Variants in CNTN5 observed in about 807,000 individuals in gnomAD.
The protein encoded by CNTN5 is contactin 5, also known as contactin-5.
A neutral mutation model predicts 129.1 loss-of-function variants in CNTN5; 77 were observed. The observed-to-expected ratio is 0.60, with a 90% confidence interval of 0.50 to 0.72. CNTN5 has a LOEUF of 0.72. Ranked by LOEUF, CNTN5 falls within the 30% of genes least tolerant of loss-of-function variation. The probability of loss-of-function intolerance (pLI) is 0.00; values close to 1 mark genes in which losing one functional copy is unlikely to be tolerated. For missense variants in CNTN5, 1,478 were observed against 1,328.8 expected (o/e 1.11, Z -1.75); for synonymous variants, 509 against 465.6 (o/e 1.09, Z -1.20).
At chr11:99,973,565 A>G (rs1481929505) in intron 8 of CNTN5, among the ~76,000 whole-genome samples, 2 of 152,274 alleles carry the variant, frequency 1.3e-5, no homozygotes, top group Non-Finnish European at 2.9e-5. Context: ...AGGTATTTAA[A>G]AATAACCTTA....
At position 99,211,160 on chromosome 11, in the gene CNTN5, T is replaced by C. The variant is rs955637424; in HGVS notation, c.-209-114186T>C. Reference sequence around the variant, plus strand: ...GATCGTAAAATGTCCCTTTTTATTATCTTGGTAATTTTTGTCTCAGTTTTC... The same window carrying C: ...GATCGTAAAATGTCCCTTTTTATTACCTTGGTAATTTTTGTCTCAGTTTTC... On this transcript the variant is annotated intron_variant, in intron 1 of 24. Coordinates refer to ENST00000524871, the MANE Select transcript of CNTN5 (RefSeq NM_014361.4). 5.3e-5 allele frequency among the ~76,000 whole-genome samples: 8 copies of C among 152,228 alleles called. No homozygotes were observed. In the South Asian group the frequency reaches 6.2e-4, roughly 12 times the overall value.
Position 99,586,092 on chromosome 11 carries a change from G to A in CNTN5, c.55+29823G>A, listed in dbSNP as rs181123335. 8.2e-3 allele frequency among the ~76,000 whole-genome samples: 1,243 copies of A among 151,690 alleles called. 11 individuals are homozygous for A. The highest frequency in any genetic ancestry group is 0.045 in the Middle Eastern group (13 of 292). The stretch of plus-strand genomic sequence containing the variant: ...TATTTCATTCATTTAATTAAATCCC[G>A]TTCCAAATGGCCTCATGTCTAGTCT... On this transcript the variant is annotated intron_variant, in intron 3 of 24. Transcript: ENST00000524871.
intron 3 of CNTN5, among the ~76,000 whole-genome samples, chr11:99,642,409 C>T (rs1951803483): frequency 6.6e-6 from 1 of 152,100 alleles, no homozygotes; most frequent in Non-Finnish European, 1.5e-5. Context: ...TATAAACACT[C>T]CATATGTGCG....
chr11:99,976,165 A>G (rs1029042637), intron 8 of CNTN5, among the ~76,000 whole-genome samples: 24 of 152,224 alleles, frequency 1.6e-4, no homozygotes, highest in African/African-American at 4.6e-4. Context: ...CACGTCTCAC[A>G]TCCAGGGAGT....
At chr11:99,451,949 C>A (rs1281883390) in intron 2 of CNTN5, among the ~76,000 whole-genome samples, 3 of 152,108 alleles carry the variant, frequency 2.0e-5, no homozygotes, top group African/African-American at 7.2e-5. Context: ...TTCCTTCTAA[C>A]CATTACATTT....
chr11:99,796,862 C>T (rs990823194), intron 3 of CNTN5, among the ~76,000 whole-genome samples: 1 of 152,096 alleles, frequency 6.6e-6, no homozygotes, highest in African/African-American at 2.4e-5. Flanking sequence ...CTAAGCAGCT[C>T]TCCCTGACAA....
intron 1 of CNTN5, among the ~76,000 whole-genome samples, chr11:99,262,173 T>C (rs1425758237): frequency 6.6e-6 from 1 of 151,970 alleles, no homozygotes; most frequent in Non-Finnish European, 1.5e-5. Context: ...GATATGACTT[T>C]CACCTCTAAC....
rs1175406244 is a variant in CNTN5 at position 99,557,039 on chromosome 11, C to G, written c.55+770C>G. On this transcript the variant is annotated intron_variant, in intron 3 of 24. Transcript: ENST00000524871. ...CAGCTTGATTATATTTAAATCAGTA[C>G]CTATATTGTGGGCTAAATTTAGGTA... Among the ~76,000 whole-genome samples the G allele has an allele frequency of 2.6e-5, 4 of 150,948 alleles. No individual in the cohort carries two copies. The South Asian group carries it at 8.4e-4, about 32-fold the overall frequency.
intron 17 of CNTN5, among the ~76,000 whole-genome samples, chr11:100,263,265 C>T (rs1045191461): frequency 6.6e-6 from 1 of 152,058 alleles, no homozygotes; most frequent in Non-Finnish European, 1.5e-5. Context: ...CCTCTATTGA[C>T]CTGTTTTGAA....
chr11:99,909,432 A>G (rs1565666170), intron 6 of CNTN5, among the ~76,000 whole-genome samples: 1 of 152,154 alleles, frequency 6.6e-6, no homozygotes, highest in Non-Finnish European at 1.5e-5. Context: ...AAGTAGAAAT[A>G]CCATTTGACT....
intron 3 of CNTN5, among the ~76,000 whole-genome samples, chr11:99,733,878 G>T (rs917291515): frequency 6.6e-6 from 1 of 152,158 alleles, no homozygotes; most frequent in African/African-American, 2.4e-5. Context: ...CTTATGAACT[G>T]GCAGGTCCAG....
chr11:99,712,626 T>G (rs908265147), intron 3 of CNTN5, among the ~76,000 whole-genome samples: 1 of 152,178 alleles, frequency 6.6e-6, no homozygotes, highest in Non-Finnish European at 1.5e-5. Flanking sequence ...TAGGTTTAAG[T>G]CTTTAATCCA....
intron 2 of CNTN5, among the ~76,000 whole-genome samples, chr11:99,403,047 C>T (rs1172958282): frequency 6.9e-6 from 1 of 145,090 alleles, no homozygotes; most frequent in Non-Finnish European, 1.5e-5. Context: ...TGCTCTGTCA[C>T]CCAGGCTGGA....
At chr11:99,805,531 C>T (rs1313847088) in intron 3 of CNTN5, among the ~76,000 whole-genome samples, 1 of 152,166 alleles carries the variant, frequency 6.6e-6, no homozygotes, top group Non-Finnish European at 1.5e-5. Context: ...CAGCTGTAGA[C>T]ACAGCCTTGC....
In CNTN5 at chr11:99,975,625, AC is replaced by A. The variant is rs554336576; in HGVS notation, c.877+18617del. 3.5e-3 allele frequency among the ~76,000 whole-genome samples: 538 copies of A among 152,294 alleles called. 4 individuals carry two copies. Among genetic ancestry groups the A allele is most frequent in the African/African-American group, 0.012 (516 of 41,562 alleles). On this transcript the variant is annotated intron_variant, in intron 8 of 24. Coordinates refer to ENST00000524871, the MANE Select transcript of CNTN5 (RefSeq NM_014361.4). ...GTGAAGGAAAAGTAAGGCATATCTT[AC>A]GTGGCAGCAGGAGAGAGAGATCGCG... is the stretch of plus-strand genomic sequence containing the variant.
intron 3 of CNTN5, among the ~76,000 whole-genome samples, chr11:99,611,680 T>C (rs899932942): frequency 3.9e-5 from 6 of 152,128 alleles, no homozygotes; most frequent in Admixed American, 2.0e-4. Flanking sequence ...ACCCAAGTAG[T>C]TGAAAAAGGT....
At chr11:99,079,652 G>T (rs904585958) in intron 1 of CNTN5, among the ~76,000 whole-genome samples, 21 of 152,086 alleles carry the variant, frequency 1.4e-4, no homozygotes, top group Non-Finnish European at 2.4e-4. Context: ...CTAAATTTAT[G>T]AGCCTTTTCC....
At chr11:99,100,218 TTCTC>T (rs1235466623) in intron 1 of CNTN5, among the ~76,000 whole-genome samples, 1 of 152,010 alleles carries the variant, frequency 6.6e-6, no homozygotes, top group African/African-American at 2.4e-5. Context: ...AAAATATTTT[TTCTC>T]TCTCTCTCTT....
intron 3 of CNTN5, among the ~76,000 whole-genome samples, chr11:99,606,804 A>G (rs974612155): frequency 7.1e-6 from 1 of 141,328 alleles, no homozygotes; most frequent in Non-Finnish European, 1.6e-5. Flanking sequence ...CATATCTACA[A>G]CTATCTGATC....
Sources: gnomAD v4.1 joint callset for allele counts (sites outside exome capture counted in the v4.1 genomes callset) on GRCh38, gnomAD v4.1.1 for gene constraint, MANE v1.5 for transcripts, NCBI Gene and HGNC (gene_info 2026-07-23, HGNC 2026-07-21) for gene names.